Variants in SMIM7 observed in about 807,000 individuals in gnomAD.
The protein encoded by SMIM7 is UPF0608 protein C19orf42.
Under a neutral mutation model 13.3 loss-of-function variants are expected in SMIM7, and 12 were observed. That is an observed-to-expected ratio of 0.90 (90% CI 0.58 to 1.46). The LOEUF is 1.46. SMIM7 is among the 40% of genes most tolerant of loss of function. The pLI, the probability that SMIM7 is intolerant of heterozygous loss-of-function variation, is 0.00. For missense variants in SMIM7, 114 were observed against 94.8 expected (o/e 1.20, Z -0.84); for synonymous variants, 36 against 35.8 (o/e 1.01, Z -0.02).
chr19:16,659,601 G>A, intron 2 of SMIM7, 154 bp from the exon 3 acceptor site: 1 of 743,656 alleles, frequency 1.3e-6, no homozygotes, highest in Non-Finnish European at 2.2e-6. Flanking sequence ...CCTTCTCTGG[G>A]CCCCCACTGC....
intron 4 of SMIM7, among the ~76,000 whole-genome samples, chr19:16,631,929 G>A (rs1047739563): frequency 4.0e-5 from 6 of 151,634 alleles, no homozygotes; most frequent in African/African-American, 1.5e-4. Flanking sequence ...GAGTGCAGTG[G>A]CGTGATCTTG....
At chr19:16,643,969 A>C (rs8112375), downstream of SMIM7, 46,082 of 152,022 alleles carry the variant, frequency 0.3, 9,409 homozygotes, top group African/African-American at 0.58. Flanking sequence ...CCTAGCAACA[A>C]AGCAAGTGTA....
rs2086485680 is a variant in SMIM7, at chr19:16,649,058, CCA to C, written c.213-1799_213-1798del. Among the ~76,000 whole-genome samples the C allele has an allele frequency of 2.0e-5, 3 of 152,030 alleles. No individual in the cohort carries two copies. The South Asian group carries it at 6.2e-4, about 32-fold the overall frequency. On this transcript the variant is annotated intron_variant, in intron 4 of 4. Transcript: ENST00000487416. ...AAAACTTTCATACCTACTAGGATGA[CCA>C]CAGTCAAAAGATTAACGGTAACAGA...
chr19:16,658,873 T>C (rs764111623), intron 3 of SMIM7, among the ~76,000 whole-genome samples: 5 of 151,726 alleles, frequency 3.3e-5, no homozygotes, highest in Non-Finnish European at 5.9e-5. Flanking sequence ...AACAGAACAT[T>C]ATAACGGTAG....
intron 4 of SMIM7, among the ~76,000 whole-genome samples, chr19:16,649,147 G>A (rs756302264): frequency 3.3e-5 from 5 of 152,086 alleles, no homozygotes; most frequent in Non-Finnish European, 7.4e-5. Flanking sequence ...GTAAAATGTC[G>A]TAGCTACTTT....
intron 4 of SMIM7, among the ~76,000 whole-genome samples, chr19:16,632,159 C>T (rs983846911): frequency 2.6e-5 from 4 of 152,142 alleles, no homozygotes; most frequent in East Asian, 3.9e-4. Context: ...TGAGCCACCA[C>T]ACCCGGCCGC....
downstream of SMIM7, chr19:16,645,984 T>C (rs960745260): frequency 6.6e-6 from 1 of 152,078 alleles, no homozygotes; most frequent in Non-Finnish European, 1.5e-5. Context: ...TTCTTGACCA[T>C]CATTTATTGA....
intron 3 of SMIM7, among the ~76,000 whole-genome samples, chr19:16,657,807 G>T (rs1390603633): frequency 6.6e-6 from 1 of 152,104 alleles, no homozygotes; most frequent in Non-Finnish European, 1.5e-5. Context: ...GAGGTGGGAG[G>T]ATCGTTTGAG....
intron 4 of SMIM7, chr19:16,652,695 C>T: frequency 2.8e-6 from 4 of 1,425,852 alleles, no homozygotes; most frequent in Non-Finnish European, 3.7e-6. Context: ...CTGGAAGCAT[C>T]TTCGCAAACA....
At chr19:16,635,960 A>T (rs2086358108) in intron 4 of SMIM7, among the ~76,000 whole-genome samples, 1 of 150,518 alleles carries the variant, frequency 6.6e-6, no homozygotes, top group Non-Finnish European at 1.5e-5. Flanking sequence ...TTAGCAGAGT[A>T]CTTGCCCCTA....
At chr19:16,652,448 C>T in intron 4 of SMIM7, 3 of 733,840 alleles carry the variant, frequency 4.1e-6, no homozygotes, top group Non-Finnish European at 5.0e-6. Flanking sequence ...GCAATTCTCC[C>T]ACCTTGGCCT....
chr19:16,644,125 T>G (rs983328863), downstream of SMIM7, among the ~76,000 whole-genome samples: 8 of 142,844 alleles, frequency 5.6e-5, no homozygotes, highest in Non-Finnish European at 1.1e-4. Context: ...TGCGTTTTTT[T>G]TTTTTTTTTT....
intron 4 of SMIM7, among the ~76,000 whole-genome samples, chr19:16,639,395 T>G (rs1204554570): frequency 4.6e-5 from 7 of 152,190 alleles, no homozygotes; most frequent in Non-Finnish European, 1.5e-5. Context: ...GTGCTGGGAT[T>G]ACAGGCGTGA....
chr19:16,659,505 T>G, intron 2 of SMIM7, 58 bp from the exon 3 acceptor site: 1 of 1,553,102 alleles, frequency 6.4e-7, no homozygotes. Flanking sequence ...CTCAGCCCCC[T>G]GACCCCCAGC....
At chr19:16,644,157 G>A (rs895286066), downstream of SMIM7, among the ~76,000 whole-genome samples, 1 of 121,198 alleles carries the variant, frequency 8.3e-6, no homozygotes, top group Non-Finnish European at 1.6e-5. Flanking sequence ...TGTTTTGCTC[G>A]TCGCCTAGGC....
At chr19:16,635,769 A>G (rs1014596505) in intron 4 of SMIM7, among the ~76,000 whole-genome samples, 3 of 151,574 alleles carry the variant, frequency 2.0e-5, no homozygotes, top group African/African-American at 7.3e-5. Flanking sequence ...CTGTAATCCC[A>G]GCTACTTGGG....
chr19:16,647,049 T>C lies in SMIM7; in HGVS notation c.*197A>G, dbSNP rs938166381. On this transcript the variant is annotated 3_prime_UTR_variant, in exon 5 of 5. Transcript: ENST00000487416. ...CAGCATTTCAATTCAGAGACCAAAG[T>C]GAAACTATCTTTGAAAACAGGGACG... The C allele has an allele frequency of 4.5e-6, 3 of 665,310 alleles. No homozygotes were observed. The highest frequency in any genetic ancestry group is 5.2e-6 in the Non-Finnish European group (2 of 382,168). The allele number at this position is 665,310 out of a possible 1,614,324, so 41.2% of individuals were successfully genotyped here. A position where few individuals can be genotyped will look rare whatever the true frequency, so the allele number is the denominator to read the frequency against.
At chr19:16,632,396 C>G (rs1053937757) in intron 4 of SMIM7, among the ~76,000 whole-genome samples, 1 of 152,002 alleles carries the variant, frequency 6.6e-6, no homozygotes, top group East Asian at 1.9e-4. Context: ...GATGGGGATA[C>G]AGAAAGGTTC....
At chr19:16,644,605 A>G (rs2086431712), downstream of SMIM7, 2 of 146,928 alleles carry the variant, frequency 1.4e-5, no homozygotes, top group Admixed American at 6.7e-5. Flanking sequence ...CACCCAGCTA[A>G]TTTTTGCATT....
Sources: gnomAD v4.1 joint callset for allele counts (sites outside exome capture counted in the v4.1 genomes callset) on GRCh38, gnomAD v4.1.1 for gene constraint, MANE v1.5 for transcripts, NCBI Gene and HGNC (gene_info 2026-07-23, HGNC 2026-07-21) for gene names.